Variants in FAT3 observed in about 807,000 individuals in gnomAD.
The protein encoded by FAT3 is protocadherin Fat 3.
Under a neutral mutation model 310.2 loss-of-function variants are expected in FAT3, and 95 were observed. The ratio of observed to expected loss-of-function variants is 0.31; its 90% confidence interval spans 0.26 to 0.36. The LOEUF (loss-of-function observed/expected upper bound fraction) is 0.36, where lower values mean the gene tolerates loss of function less well. Ranked by LOEUF, FAT3 falls within the 10% of genes least tolerant of loss-of-function variation. The probability of loss-of-function intolerance (pLI) is 1.00; values close to 1 mark genes in which losing one functional copy is unlikely to be tolerated. For missense variants in FAT3, 5,408 were observed against 5,715.6 expected (o/e 0.95, Z 1.74); for synonymous variants, 2,314 against 2,192.9 (o/e 1.06, Z -1.54).
At chr11:92,694,806 T>C (rs900301557) in intron 3 of FAT3, among the ~76,000 whole-genome samples, 7 of 152,122 alleles carry the variant, frequency 4.6e-5, no homozygotes, top group African/African-American at 1.7e-4. Context: ...ATTCCTATTG[T>C]GGACTCTAAT....
chr11:92,306,850 G>A (rs1200006443), intron 1 of FAT3, among the ~76,000 whole-genome samples: 1 of 145,572 alleles, frequency 6.9e-6, no homozygotes, highest in Non-Finnish European at 1.5e-5. Flanking sequence ...GAAGGCAGTG[G>A]TGTGATCATA....
chr11:92,426,118 A>T (rs1289233388), intron 2 of FAT3, among the ~76,000 whole-genome samples: 2 of 152,140 alleles, frequency 1.3e-5, no homozygotes, highest in African/African-American at 4.8e-5. Flanking sequence ...TTTGATTTGG[A>T]TTTCTCTAAT....
chr11:92,720,056 G>A (rs1022335242), intron 4 of FAT3, among the ~76,000 whole-genome samples: 2 of 152,098 alleles, frequency 1.3e-5, no homozygotes, highest in Non-Finnish European at 2.9e-5. Flanking sequence ...TACCACAGGG[G>A]CAGGGGCTTG....
intron 4 of FAT3, among the ~76,000 whole-genome samples, chr11:92,744,930 C>A (rs1565559311): frequency 6.6e-6 from 1 of 152,100 alleles, no homozygotes; most frequent in Non-Finnish European, 1.5e-5. Context: ...TGCTAAATCG[C>A]CCAGAAATCC....
chr11:92,532,896 T>A (rs1272611224), intron 3 of FAT3, among the ~76,000 whole-genome samples: 1 of 152,146 alleles, frequency 6.6e-6, no homozygotes, highest in Non-Finnish European at 1.5e-5. Flanking sequence ...CCTTGTGACC[T>A]CAGGTAGGGA....
In FAT3 at chr11:92,519,720, C is replaced by T. The variant is rs565898127; in HGVS notation, c.3293-4914C>T. On this transcript the variant is annotated intron_variant, in intron 2 of 27. Coordinates refer to ENST00000525166, the MANE Select transcript of FAT3 (RefSeq NM_001367949.2). ...GCAAAACATTTGAACACTTAACCTA[C>T]GATAACTTCTTTATCTTAGAGAAGA... Among the ~76,000 whole-genome samples, 14 of 152,142 alleles carry T rather than the reference C, an allele frequency of 9.2e-5. 1 individual carries two copies. Among genetic ancestry groups the T allele is most frequent in the East Asian group, 5.8e-4 (3 of 5,168 alleles).
chr11:92,834,475 A>G (rs1948345741), intron 14 of FAT3, among the ~76,000 whole-genome samples: 1 of 152,222 alleles, frequency 6.6e-6, no homozygotes, highest in African/African-American at 2.4e-5. Context: ...TCATACCATC[A>G]CATCCCCAAA....
rs189422074 is a variant in FAT3 at position 92,271,552 on chromosome 11, A to C, written c.-18+46378A>C. Among the ~76,000 whole-genome samples, 510 of 152,268 alleles carry C rather than the reference A, an allele frequency of 3.3e-3. 4 individuals carry two copies. Among genetic ancestry groups the C allele is most frequent in the Non-Finnish European group, 7.1e-4 (48 of 68,024 alleles). ...TTGTATTCTCTGTCTTCTACTGCAC[A>C]AGCTTAAGGTCCTTAAGGGTAGGAA... On this transcript the variant is annotated intron_variant, in intron 1 of 27. Transcript: ENST00000525166.
At chr11:92,482,242 T>C (rs985929630) in intron 2 of FAT3, among the ~76,000 whole-genome samples, 2 of 152,172 alleles carry the variant, frequency 1.3e-5, no homozygotes, top group African/African-American at 4.8e-5. Context: ...ATTATTACAA[T>C]GAATAGTCTT....
intron 1 of FAT3, among the ~76,000 whole-genome samples, chr11:92,288,574 AGT>A (rs1231075415): frequency 6.6e-6 from 1 of 152,078 alleles, no homozygotes; most frequent in Non-Finnish European, 1.5e-5. Flanking sequence ...GGAATACGGC[AGT>A]GTGTAAATAA....
intron 2 of FAT3, among the ~76,000 whole-genome samples, chr11:92,492,468 C>T (rs1189257819): frequency 5.9e-5 from 9 of 151,960 alleles, no homozygotes; most frequent in Non-Finnish European, 1.2e-4. Context: ...AGAGATAATA[C>T]GTGAATAATC....
chr11:92,671,540 C>A lies in FAT3; in HGVS notation c.3608-25844C>A, dbSNP rs11020037. On this transcript the variant is annotated intron_variant, in intron 3 of 27. Transcript: ENST00000525166. ...TTCTCCCAGGACTCACCTTTAAGGT[C>A]TCTTGATCAAATGGGCCTTCCCTGT... Among the ~76,000 whole-genome samples, 1,446 of 152,110 alleles carry A rather than the reference C, an allele frequency of 9.5e-3. 30 individuals carry two copies. Among genetic ancestry groups the A allele is most frequent in the East Asian group, 0.076 (389 of 5,116 alleles).
At chr11:92,290,543 G>A (rs145073245) in intron 1 of FAT3, among the ~76,000 whole-genome samples, 72 of 152,040 alleles carry the variant, frequency 4.7e-4, no homozygotes, top group Middle Eastern at 6.8e-3. Context: ...GATCACCAGC[G>A]GTTAGGAGAT....
At chr11:92,734,935 A>G (rs1010193585) in intron 4 of FAT3, among the ~76,000 whole-genome samples, 1 of 152,180 alleles carries the variant, frequency 6.6e-6, no homozygotes, top group African/African-American at 2.4e-5. Flanking sequence ...CCAGGTCTAG[A>G]TAAGAATGAA....
At chr11:92,872,056 G>C (rs760274508) in intron 22 of FAT3, among the ~76,000 whole-genome samples, 7 of 152,108 alleles carry the variant, frequency 4.6e-5, no homozygotes, top group Non-Finnish European at 1.0e-4. Context: ...AAGAGTAATA[G>C]TGTCTGCCAC....
intron 3 of FAT3, among the ~76,000 whole-genome samples, chr11:92,635,673 C>T (rs985641260): frequency 6.6e-6 from 1 of 152,314 alleles, no homozygotes; most frequent in African/African-American, 2.4e-5. Context: ...ACATTATTAT[C>T]TTTCTGGAAA....
chr11:92,240,838 G>T (rs944358324), intron 1 of FAT3, among the ~76,000 whole-genome samples: 9 of 151,918 alleles, frequency 5.9e-5, no homozygotes, highest in African/African-American at 1.9e-4. Flanking sequence ...TTATTTTATT[G>T]TTCTTTTCAG....
intron 4 of FAT3, among the ~76,000 whole-genome samples, chr11:92,730,978 G>A (rs967321419): frequency 2.0e-5 from 3 of 152,114 alleles, no homozygotes; most frequent in East Asian, 3.9e-4. Context: ...TTATGAAATC[G>A]GGGGCTAAGT....
chr11:92,798,465 T>C lies in FAT3; in HGVS notation c.5452T>C (p.Ser1818Pro). Residue 1818 changes from serine to proline, a missense_variant, in exon 10 of 28, where the codon TCA (serine) becomes CCA (proline). Ser to Pro is a moderately conservative substitution (Grantham distance 74). This residue lies in a region of FAT3 where 4,588 missense variants were observed against 4,809.8 expected (regional missense o/e 0.95). Transcript: ENST00000525166. ...TCTGCTTGTGTATCAGATTGTGGAG[T>C]CAACAGCAAAAAAGTTTTTCACGGT... ...NALLVYQIVE[S>P]TAKKFFTVDS... 1 of 1,613,350 alleles carries C rather than the reference T, an allele frequency of 6.2e-7. No individual in the cohort carries two copies. Among genetic ancestry groups the C allele is most frequent in the Non-Finnish European group, 8.5e-7 (1 of 1,179,790 alleles).
Sources: gnomAD v4.1 joint callset for allele counts (sites outside exome capture counted in the v4.1 genomes callset) on GRCh38, gnomAD v4.1.1 for gene constraint, gnomAD v4.1.1 regional missense constraint, MANE v1.5 for transcripts, NCBI Gene and HGNC (gene_info 2026-07-23, HGNC 2026-07-21) for gene names.